The following DDX10 variants were observed in gnomAD, a reference collection of about 807,000 sequenced individuals.
DDX10 encodes DEAD-box helicase 10.
A neutral mutation model predicts 104.3 loss-of-function variants in DDX10; 74 were observed. The ratio of observed to expected loss-of-function variants is 0.71; its 90% confidence interval spans 0.59 to 0.86. The LOEUF is 0.86. Among genes scored for constraint, DDX10 ranks in the 40% least tolerant of loss-of-function variants. The probability of loss-of-function intolerance (pLI) is 0.00; values close to 1 mark genes in which losing one functional copy is unlikely to be tolerated. For missense variants in DDX10, 952 were observed against 1,040.0 expected (o/e 0.92, Z 1.16); for synonymous variants, 351 against 353.4 (o/e 0.99, Z 0.08).
chr11:108,861,885 G>C (rs760209193), intron 16 of DDX10, among the ~76,000 whole-genome samples: 19 of 152,106 alleles, frequency 1.2e-4, no homozygotes, highest in Non-Finnish European at 2.6e-4. Context: ...AATTAGCTGG[G>C]CATTGCGGTG....
intron 13 of DDX10, among the ~76,000 whole-genome samples, chr11:108,743,417 A>G (rs931765091): frequency 6.6e-6 from 1 of 152,176 alleles, no homozygotes; most frequent in Admixed American, 6.5e-5. Context: ...CACTACTGAC[A>G]TCATACTGAA....
rs1862005095 is a variant in DDX10 at position 108,800,445 on chromosome 11, A to C, written c.1966-38001A>C. Among the ~76,000 whole-genome samples, 10 of 113,126 alleles carry C rather than the reference A, an allele frequency of 8.8e-5. No homozygotes were observed. The South Asian group carries it at 2.7e-3, about 31-fold the overall frequency. The allele number at this position is 113,126 out of a possible 152,430, so 74.2% of individuals were successfully genotyped here. On this transcript the variant is annotated intron_variant, in intron 13 of 17. Coordinates refer to ENST00000322536, the MANE Select transcript of DDX10 (RefSeq NM_004398.4). Reference sequence around the variant, plus strand: ...GGGCGACAGAGCGAGACTCTTTCAAAAAAAAAAAAAAAAAAAAGAACATCT... The same window carrying C: ...GGGCGACAGAGCGAGACTCTTTCAACAAAAAAAAAAAAAAAAAGAACATCT...
intron 16 of DDX10, among the ~76,000 whole-genome samples, chr11:108,873,432 A>C (rs1863108964): frequency 6.6e-6 from 1 of 152,188 alleles, no homozygotes; most frequent in Admixed American, 6.5e-5. Flanking sequence ...AGTTCAGAGA[A>C]AGATGTTTTT....
At chr11:108,920,129 T>C (rs1444331566) in intron 17 of DDX10, 1 of 152,094 alleles carries the variant, frequency 6.6e-6, no homozygotes, top group Non-Finnish European at 1.5e-5. Flanking sequence ...TTGGTCCTAA[T>C]ATTAATAGGT....
At chr11:108,705,405 A>G (rs935673324) in intron 9 of DDX10, among the ~76,000 whole-genome samples, 3 of 152,036 alleles carry the variant, frequency 2.0e-5, no homozygotes, top group South Asian at 4.1e-4. Flanking sequence ...TTCATATTCT[A>G]TGACATGTTT....
chr11:108,912,562 A>G (rs1411528968), intron 16 of DDX10, among the ~76,000 whole-genome samples: 1 of 152,174 alleles, frequency 6.6e-6, no homozygotes, highest in Non-Finnish European at 1.5e-5. Context: ...GTTTTCCCTT[A>G]CTTACAGCAG....
intron 13 of DDX10, among the ~76,000 whole-genome samples, chr11:108,835,362 C>T (rs1333460416): frequency 6.6e-6 from 1 of 152,066 alleles, no homozygotes; most frequent in African/African-American, 2.4e-5. Flanking sequence ...TGTGGAGTCA[C>T]GGACCCCTGG....
At chr11:108,777,799 C>T (rs865897466) in intron 13 of DDX10, among the ~76,000 whole-genome samples, 3 of 152,130 alleles carry the variant, frequency 2.0e-5, no homozygotes, top group Non-Finnish European at 2.9e-5. Context: ...AAAACCTCAT[C>T]GTCTCAGCCC....
At chr11:108,920,703 T>C (rs1271870259) in intron 17 of DDX10, 1 of 152,228 alleles carries the variant, frequency 6.6e-6, no homozygotes, top group Non-Finnish European at 1.5e-5. Flanking sequence ...TAGCTCAGGA[T>C]AATGTCATTT....
chr11:108,673,002 G>C lies in DDX10; in HGVS notation c.187-465G>C, dbSNP rs549511811. ...ATGGTTAAAACTTTGAAAGGATTGT[G>C]CTAACAAGAAATATTTCTCCAACTA... On this transcript the variant is annotated intron_variant, in intron 1 of 17. Coordinates refer to ENST00000322536, the MANE Select transcript of DDX10 (RefSeq NM_004398.4). 9.8e-5 allele frequency among the ~76,000 whole-genome samples: 15 copies of C among 152,334 alleles called. No individual in the cohort carries two copies. In the South Asian group the frequency reaches 3.1e-3, roughly 32 times the overall value.
chr11:108,916,799 A>G (rs1310112925), intron 16 of DDX10, among the ~76,000 whole-genome samples: 1 of 152,198 alleles, frequency 6.6e-6, no homozygotes, highest in African/African-American at 2.4e-5. Context: ...TGTTCATAAC[A>G]TAAATGTATA....
chr11:108,679,162 C>T (rs953289864), intron 5 of DDX10, among the ~76,000 whole-genome samples: 2 of 152,064 alleles, frequency 1.3e-5, no homozygotes, highest in African/African-American at 4.8e-5. Context: ...CAGCCTTCCC[C>T]TGGTGTTAAT....
intron 13 of DDX10, among the ~76,000 whole-genome samples, chr11:108,807,967 G>A (rs953027209): frequency 6.6e-6 from 1 of 152,182 alleles, no homozygotes; most frequent in African/African-American, 2.4e-5. Context: ...CATGGATGAA[G>A]CATTGAGGCA....
At chr11:108,742,411 A>G (rs2094326350) in intron 13 of DDX10, among the ~76,000 whole-genome samples, 1 of 149,536 alleles carries the variant, frequency 6.7e-6, no homozygotes, top group Non-Finnish European at 1.5e-5. Context: ...ACTAAAAATA[A>G]AAAATCAGCT....
chr11:108,743,171 C>T (rs1051658922), intron 13 of DDX10, among the ~76,000 whole-genome samples: 1 of 152,088 alleles, frequency 6.6e-6, no homozygotes, highest in African/African-American at 2.4e-5. Flanking sequence ...CATCCAAAAG[C>T]AGATCTGCCA....
At chr11:108,684,652 A>G (rs954289885) in intron 6 of DDX10, among the ~76,000 whole-genome samples, 3 of 131,344 alleles carry the variant, frequency 2.3e-5, no homozygotes, top group African/African-American at 8.3e-5. Context: ...ATAATGCCGC[A>G]ATAAACATAC....
At chr11:108,872,820 T>TTCCC (rs1565305030) in intron 16 of DDX10, among the ~76,000 whole-genome samples, 29 of 145,106 alleles carry the variant, frequency 2.0e-4, no homozygotes, top group Non-Finnish European at 3.2e-4. Context: ...TAATTTCCGT[T>TTCCC]CCCCCCCCCT....
chr11:108,743,778 T>C (rs537480326), intron 13 of DDX10, among the ~76,000 whole-genome samples: 1 of 152,188 alleles, frequency 6.6e-6, no homozygotes, highest in Admixed American at 6.5e-5. Context: ...AAAATAACCT[T>C]GGTAGAGGGA....
At chr11:108,693,464 A>C in intron 8 of DDX10, 52 bp from the exon 9 acceptor site, 1 of 1,274,458 alleles carries the variant, frequency 7.8e-7, no homozygotes, top group East Asian at 2.3e-5. Flanking sequence ...AAAATAGTGC[A>C]GCAGGGCAGA....
Sources: gnomAD v4.1 joint callset for allele counts (sites outside exome capture counted in the v4.1 genomes callset) on GRCh38, gnomAD v4.1.1 for gene constraint, MANE v1.5 for transcripts, NCBI Gene and HGNC (gene_info 2026-07-23, HGNC 2026-07-21) for gene names.